C1QTNF3: variants seen among roughly 807,000 people sequenced by gnomAD.
C1QTNF3 encodes C1q and TNF related 3.
Under a neutral mutation model 32.6 loss-of-function variants are expected in C1QTNF3, and 26 were observed. That is an observed-to-expected ratio of 0.80 (90% CI 0.58 to 1.11). The LOEUF (loss-of-function observed/expected upper bound fraction) is 1.11. Ranked by LOEUF, C1QTNF3 falls within the 50% of genes least tolerant of loss-of-function variation. The pLI, the probability that C1QTNF3 is intolerant of heterozygous loss-of-function variation, is 0.00. For missense variants in C1QTNF3, 362 were observed against 398.2 expected (o/e 0.91, Z 0.77); for synonymous variants, 155 against 146.0 (o/e 1.06, Z -0.44).
the C1QTNF3 span, chr5:34,175,704 T>C: frequency 0.56 from 354,497 of 638,522 alleles, 102,476 homozygotes; most frequent in Non-Finnish European, 0.62. Context: ...CTACATGGAT[T>C]AAACCAGCTT....
At chr5:34,213,920 T>C in the C1QTNF3 span, among the ~76,000 whole-genome samples, 1 of 145,622 alleles carries the variant, frequency 6.9e-6, no homozygotes. Context: ...CAAGCAATTC[T>C]CCCGCCTCAG....
At chr5:34,215,591 A>G in the C1QTNF3 span, among the ~76,000 whole-genome samples, 1 of 152,202 alleles carries the variant, frequency 6.6e-6, no homozygotes, top group African/African-American at 2.4e-5. Flanking sequence ...GAAAATCAAC[A>G]TAAAACAACC....
chr5:34,070,618 T>G, the C1QTNF3 span, among the ~76,000 whole-genome samples: 2 of 152,142 alleles, frequency 1.3e-5, no homozygotes, highest in African/African-American at 4.8e-5. Context: ...TGTACCATTA[T>G]GTACTACATA....
intron 4 of C1QTNF3, among the ~76,000 whole-genome samples, chr5:34,025,772 T>C (rs190648101): frequency 3.9e-5 from 6 of 152,340 alleles, no homozygotes; most frequent in African/African-American, 7.2e-5. Context: ...TTTAATTCCA[T>C]GGAAATGTGG....
At chr5:34,225,284 G>A in the C1QTNF3 span, among the ~76,000 whole-genome samples, 1 of 151,858 alleles carries the variant, frequency 6.6e-6, no homozygotes, top group South Asian at 2.1e-4. Context: ...GAGTTATATA[G>A]GTAAAACAAT....
chr5:34,164,337 TACTAAAGCAGTAGAATA>T, the C1QTNF3 span, among the ~76,000 whole-genome samples: 1 of 152,186 alleles, frequency 6.6e-6, no homozygotes, highest in East Asian at 1.9e-4. Flanking sequence ...TGGCTCTTCC[TACTAAAGCAGTAGAATA>T]AAACATCATC....
the C1QTNF3 span, among the ~76,000 whole-genome samples, chr5:34,243,965 T>C: frequency 6.6e-6 from 1 of 152,226 alleles, no homozygotes; most frequent in Admixed American, 6.5e-5. Context: ...AATATGTTTC[T>C]AATGAAGGTA....
chr5:34,174,025 T>G, the C1QTNF3 span, among the ~76,000 whole-genome samples: 1 of 152,210 alleles, frequency 6.6e-6, no homozygotes, highest in African/African-American at 2.4e-5. Context: ...CCAATTAAGT[T>G]TCGATTTGGC....
At chr5:34,196,117 AC>A in the C1QTNF3 span, among the ~76,000 whole-genome samples, 3 of 152,312 alleles carry the variant, frequency 2.0e-5, no homozygotes. Flanking sequence ...AGTCTCCACA[AC>A]TGTGAGAAAT....
chr5:34,046,652 C>A (rs1335730811), upstream of C1QTNF3, among the ~76,000 whole-genome samples: 1 of 152,208 alleles, frequency 6.6e-6, no homozygotes, highest in African/African-American at 2.4e-5. Flanking sequence ...AAAACTGTGA[C>A]ACAATAAATT....
At chr5:34,113,284 G>A in the C1QTNF3 span, among the ~76,000 whole-genome samples, 3 of 151,190 alleles carry the variant, frequency 2.0e-5, no homozygotes, top group Non-Finnish European at 4.4e-5. Context: ...TCATTCAGTG[G>A]ATGAGTCTTT....
chr5:34,174,285 C>T, the C1QTNF3 span, among the ~76,000 whole-genome samples: 47 of 152,318 alleles, frequency 3.1e-4, no homozygotes, highest in Admixed American at 1.2e-3. Context: ...TCTCGAACTC[C>T]TGACCTCATG....
intron 1 of C1QTNF3, among the ~76,000 whole-genome samples, chr5:34,039,725 A>T (rs1754821703): frequency 6.6e-6 from 1 of 152,208 alleles, no homozygotes; most frequent in South Asian, 2.1e-4. Flanking sequence ...CCACTTTTCC[A>T]CTACAGTCGT....
the C1QTNF3 span, among the ~76,000 whole-genome samples, chr5:34,227,577 TA>T: frequency 1.3e-5 from 2 of 151,756 alleles, no homozygotes; most frequent in Non-Finnish European, 2.9e-5. Context: ...CTAATATATT[TA>T]TAGGAAAAAA....
chr5:34,055,967 G>A, the C1QTNF3 span, among the ~76,000 whole-genome samples: 1 of 152,142 alleles, frequency 6.6e-6, no homozygotes, highest in Admixed American at 6.6e-5. Flanking sequence ...TCTTTAGATG[G>A]CTGCAGTTCC....
Position 34,035,715 on chromosome 5 carries a change from C to T in C1QTNF3, c.347G>A (p.Cys116Tyr). 1.2e-6 allele frequency: 2 copies of T among 1,612,512 alleles called. No individual in the cohort carries two copies. The highest frequency in any genetic ancestry group is 1.1e-5 in the South Asian group (1 of 90,838). ...GCCTCGAAAGCTGTAGTCTCCATGA[C>T]AACACTTACTGCAGTCTGGGGGTAG... ...GGLPPDCSKCCHGDYSFRGYQ... is the reference protein window; with the variant it reads ...GGLPPDCSKCYHGDYSFRGYQ... The change falls in exon 2 of 6, where the codon TGT (cysteine) becomes TAT (tyrosine). Residue 116 changes from cysteine (C) to tyrosine (Y), a missense_variant. Coordinates refer to ENST00000382065, the MANE Select transcript of C1QTNF3 (RefSeq NM_181435.6).
intron 3 of C1QTNF3, among the ~76,000 whole-genome samples, chr5:34,031,136 T>C (rs973317980): frequency 6.6e-6 from 1 of 152,302 alleles, no homozygotes; most frequent in East Asian, 1.9e-4. Context: ...AAAACCACCA[T>C]TGAAGAATGA....
chr5:34,091,066 G>A, the C1QTNF3 span, among the ~76,000 whole-genome samples: 3 of 152,128 alleles, frequency 2.0e-5, no homozygotes, highest in African/African-American at 2.4e-5. Context: ...TGCTGGATGC[G>A]TGTATTGAAG....
At chr5:34,230,557 A>G in the C1QTNF3 span, among the ~76,000 whole-genome samples, 1 of 152,216 alleles carries the variant, frequency 6.6e-6, no homozygotes, top group Non-Finnish European at 1.5e-5. Context: ...AAAATATTTT[A>G]TATTTATTTA....
Sources: gnomAD v4.1 joint callset for allele counts (sites outside exome capture counted in the v4.1 genomes callset) on GRCh38, gnomAD v4.1.1 for gene constraint, MANE v1.5 for transcripts, NCBI Gene and HGNC (gene_info 2026-07-23, HGNC 2026-07-21) for gene names.